The following MCM2 variants were observed in gnomAD, a reference collection of about 807,000 sequenced individuals.
MCM2 encodes DNA replication licensing factor MCM2.
MCM2 carries 49 observed loss-of-function variants against 86.4 expected under a neutral mutation model. That is an observed-to-expected ratio of 0.57 (90% confidence interval 0.45 to 0.72). MCM2 has a LOEUF of 0.72. Ranked by LOEUF, MCM2 falls within the 30% of genes least tolerant of loss-of-function variation. MCM2 has a pLI of 0.00. For synonymous variants in MCM2, 475 were observed against 484.6 expected (o/e 0.98, Z 0.26); for missense variants, 1,038 against 1,259.9 (o/e 0.82, Z 2.67).
intron 7 of MCM2, 87 bp from the exon 8 acceptor site, chr3:127,608,745 T>C (rs1249986571): frequency 7.9e-6 from 11 of 1,399,530 alleles, no homozygotes; most frequent in Non-Finnish European, 1.1e-5. Flanking sequence ...TGTGGAGCAC[T>C]TGCAATAGGA....
At chr3:127,609,796 C>T (rs2074379727) in intron 8 of MCM2, among the ~76,000 whole-genome samples, 1 of 151,674 alleles carries the variant, frequency 6.6e-6, no homozygotes, top group African/African-American at 2.4e-5. Flanking sequence ...CGCTGCTCTC[C>T]CCTTTCTCTT....
At position 127,618,054 on chromosome 3, in the gene MCM2, G is replaced by A. The variant is rs138093592; in HGVS notation, c.1986G>A (p.Val662=). 8.2e-4 allele frequency: 1,322 copies of A among 1,614,040 alleles called. 11 individuals carry two copies. The African/African-American group carries it at 0.016, about 20-fold the overall frequency. The part of the protein sequence containing the change: ...PIISRFDILC[V]VRDTVDPVQD... ...TCTCACGCTTTGACATCCTGTGTGT[G>A]GTGAGGGACACCGTGGACCCAGTCC... The change falls in exon 12 of 16, where the codon GTG becomes GTA. Residue 662 remains valine, a synonymous_variant. Coordinates refer to ENST00000265056, the MANE Select transcript of MCM2 (RefSeq NM_004526.4). This position sits in a 1 kb window ranked among gnomAD's most constrained non-coding sequence, Gnocchi z 4.0.
At chr3:127,609,816 C>T (rs1025458533) in intron 8 of MCM2, among the ~76,000 whole-genome samples, 2 of 150,264 alleles carry the variant, frequency 1.3e-5, no homozygotes, top group African/African-American at 4.9e-5. Context: ...TCCTTCCTTC[C>T]TCTGTTTCTC....
intron 8 of MCM2, among the ~76,000 whole-genome samples, chr3:127,615,283 T>G (rs904278276): frequency 1.3e-5 from 2 of 152,192 alleles, no homozygotes; most frequent in African/African-American, 2.4e-5. Context: ...TGTCTCTAAT[T>G]CTATCTAAAA....
rs141735401 is a variant in MCM2 at position 127,617,392 on chromosome 3, C to T, written c.1887C>T (p.Ala629=). 1.1e-5 allele frequency: 18 copies of T among 1,613,642 alleles called. No individual in the cohort carries two copies. The highest frequency in any genetic ancestry group is 9.3e-5 in the African/African-American group (7 of 74,890). Residue 629 remains alanine (A), a synonymous_variant, in exon 11 of 16, where the codon GCC becomes GCT. Transcript: ENST00000265056. This position sits in a 1 kb window ranked among gnomAD's most constrained non-coding sequence, Gnocchi z 4.1. ...AGGCTCGCTGCACGGTCATTGCTGC[C>T]GCCAACCCCATAGGTGCAGCAGGCA... is the stretch of plus-strand genomic sequence containing the variant. ...SLQARCTVIA[A]ANPIGGRYDP... is the part of the protein sequence containing the mutation.
intron 9 of MCM2, 150 bp downstream of exon 9, chr3:127,616,105 A>G (rs1222893730): frequency 1.1e-5 from 7 of 661,548 alleles, no homozygotes; most frequent in Admixed American, 5.1e-5. Flanking sequence ...CTCATTCTTC[A>G]AGGGAGAGGG....
rs1484980433 is a variant in MCM2 at position 127,618,165 on chromosome 3, CAG to C, written c.2013+85_2013+86del. 60 of 1,047,594 alleles carry C rather than the reference CAG, an allele frequency of 5.7e-5. No individual in the cohort carries two copies. The highest frequency in any genetic ancestry group is 3.1e-4 in the African/African-American group (20 of 63,750). The allele number at this position is 1,047,594 out of a possible 1,614,324, so 64.9% of individuals were successfully genotyped here. A position where few individuals can be genotyped will look rare whatever the true frequency, so the allele number is the denominator to read the frequency against. Reference sequence around the variant, plus strand: ...TTGGGGTCATACAGTGTGCCCAACACAGGGGACAGGTGCTGCAGGGGCCATAG... The same window carrying C: ...TTGGGGTCATACAGTGTGCCCAACACGGGACAGGTGCTGCAGGGGCCATAG... On this transcript the variant is annotated intron_variant, in intron 12 of 15. Transcript: ENST00000265056. This position sits in a 1 kb window ranked among gnomAD's most constrained non-coding sequence, Gnocchi z 4.0.
chr3:127,620,393 A>G (rs1374708043), intron 13 of MCM2, among the ~76,000 whole-genome samples: 1 of 152,242 alleles, frequency 6.6e-6, no homozygotes, highest in African/African-American at 2.4e-5. Flanking sequence ...GTGTGTGACA[A>G]TAACCAATAC....
chr3:127,599,305 CCTT>C lies in MCM2; in HGVS notation c.7-10_7-8del. On this transcript the variant is annotated splice_polypyrimidine_tract_variant and intron_variant, in intron 1 of 15. Transcript: ENST00000265056. Reference sequence around the variant, plus strand: ...GCTTCCTAGGTTTCTGACAACCGCACCTTCTCTTGCAGGAATCATCGGAATCCT... The same window carrying C: ...GCTTCCTAGGTTTCTGACAACCGCACCTCTTGCAGGAATCATCGGAATCCT... 2 of 1,612,930 alleles carry C rather than the reference CCTT, an allele frequency of 1.2e-6. No individual in the cohort carries two copies. Among genetic ancestry groups the C allele is most frequent in the South Asian group, 2.2e-5 (2 of 91,054 alleles).
intron 2 of MCM2, chr3:127,604,365 T>A: frequency 2.0e-6 from 1 of 492,494 alleles, no homozygotes; most frequent in South Asian, 3.4e-5. Flanking sequence ...TTCATCCATG[T>A]GCCAGCACGT....
intron 8 of MCM2, among the ~76,000 whole-genome samples, chr3:127,615,400 A>G (rs564282232): frequency 1.4e-4 from 21 of 152,368 alleles, no homozygotes; most frequent in African/African-American, 4.8e-4. Flanking sequence ...TGGTGGACAC[A>G]TCTCCCAGAT....
At position 127,617,937 on chromosome 3, in the gene MCM2, C is replaced by T. The variant is rs778001495; in HGVS notation, c.1901-32C>T. On this transcript the variant is annotated intron_variant, in intron 11 of 15. Coordinates refer to ENST00000265056, the MANE Select transcript of MCM2 (RefSeq NM_004526.4). This position sits in a 1 kb window ranked among gnomAD's most constrained non-coding sequence, Gnocchi z 4.1. Reference sequence around the variant, plus strand: ...CCTGAGATGGGAGGATAGGGGAATCCACCCTGATGGAGGTGCTCCCCTGTG... The same window carrying T: ...CCTGAGATGGGAGGATAGGGGAATCTACCCTGATGGAGGTGCTCCCCTGTG... The T allele has an allele frequency of 6.4e-7, 1 of 1,556,512 alleles. No individual in the cohort carries two copies. Among genetic ancestry groups the T allele is most frequent in the South Asian group, 1.1e-5 (1 of 88,196 alleles).
chr3:127,611,554 G>A (rs199641746), intron 8 of MCM2, among the ~76,000 whole-genome samples: 4 of 152,028 alleles, frequency 2.6e-5, no homozygotes, highest in East Asian at 1.9e-4. Flanking sequence ...GCCCTACCCC[G>A]CTCCCGTGTC....
chr3:127,603,854 G>A (rs1218248459), intron 2 of MCM2, among the ~76,000 whole-genome samples: 4 of 152,090 alleles, frequency 2.6e-5, no homozygotes, highest in Non-Finnish European at 4.4e-5. Flanking sequence ...TAGAGATGGA[G>A]TTTTACCATG....
chr3:127,610,848 G>A (rs1241881647), intron 8 of MCM2: 2 of 456,538 alleles, frequency 4.4e-6, no homozygotes, highest in African/African-American at 2.0e-5. Flanking sequence ...CTTGGCCATC[G>A]AACCTAGTCT....
In MCM2 at chr3:127,599,949, T is replaced by C. The variant is rs149671467; in HGVS notation, c.236+402T>C. Among the ~76,000 whole-genome samples the C allele has an allele frequency of 3.9e-3, 591 of 152,334 alleles. 6 individuals carry two copies. Among genetic ancestry groups the C allele is most frequent in the African/African-American group, 0.014 (571 of 41,572 alleles). On this transcript the variant is annotated intron_variant, in intron 2 of 15. Coordinates refer to ENST00000265056, the MANE Select transcript of MCM2 (RefSeq NM_004526.4). ...TTAGAGTCAATCAGCAAACATTTATTGTACCTAATGTGCACCATGCCCTTT... is the reference window on the plus strand; with the variant it reads ...TTAGAGTCAATCAGCAAACATTTATCGTACCTAATGTGCACCATGCCCTTT...
chr3:127,599,248 T>A (rs567365318), intron 1 of MCM2, 70 bp from the exon 2 acceptor site: 1 of 1,295,778 alleles, frequency 7.7e-7, no homozygotes, highest in South Asian at 1.2e-5. Flanking sequence ...AGGCCCCTGA[T>A]GGTAAAAAGG....
At chr3:127,612,510 T>C (rs2074406522) in intron 8 of MCM2, among the ~76,000 whole-genome samples, 1 of 152,220 alleles carries the variant, frequency 6.6e-6, no homozygotes, top group Admixed American at 6.5e-5. Context: ...AGTATCTGGC[T>C]GTTACTGTAC....
At chr3:127,613,450 T>A (rs928447675) in intron 8 of MCM2, among the ~76,000 whole-genome samples, 2 of 152,150 alleles carry the variant, frequency 1.3e-5, no homozygotes, top group Non-Finnish European at 2.9e-5. Context: ...AATTTCTAGA[T>A]AGCAATGTTC....
Sources: allele counts gnomAD v4.1 joint callset (sites outside exome capture counted in the v4.1 genomes callset), GRCh38; gene constraint gnomAD v4.1.1; non-coding constraint Gnocchi (gnomAD v3.1); transcripts MANE v1.5; gene names NCBI Gene and HGNC (gene_info 2026-07-23, HGNC 2026-07-21).